Variants in MDH1B observed in about 807,000 individuals in gnomAD.
The protein encoded by MDH1B is malate dehydrogenase 1B, also known as putative malate dehydrogenase 1B.
Under a neutral mutation model 61.4 loss-of-function variants are expected in MDH1B, and 60 were observed. That is an observed-to-expected ratio of 0.98 (90% CI 0.79 to 1.21). The LOEUF (loss-of-function observed/expected upper bound fraction) is 1.21, where lower values mean the gene tolerates loss of function less well. Among genes scored for constraint, MDH1B ranks in the 50% most tolerant of loss-of-function variants. The probability of loss-of-function intolerance (pLI) is 0.00; values close to 1 mark genes in which losing one functional copy is unlikely to be tolerated. For synonymous variants in MDH1B, 236 were observed against 218.7 expected, an observed-to-expected ratio of 1.08 and a Z score of -0.70; for missense variants, 587 against 632.1, an observed-to-expected ratio of 0.93 and a Z score of 0.76.
In MDH1B at chr2:206,746,333, T is replaced by C; in HGVS notation, c.1310A>G (p.Glu437Gly). The C allele has an allele frequency of 6.2e-7, 1 of 1,613,974 alleles. No homozygotes were observed. Among genetic ancestry groups the C allele is most frequent in the South Asian group, 1.1e-5 (1 of 91,050 alleles). Reference sequence around the variant, plus strand: ...TCGGGTCATTATTTGTTCACTTATTTCAACATCTTTGAGATCTGTAAGAAC... The same window carrying C: ...TCGGGTCATTATTTGTTCACTTATTCCAACATCTTTGAGATCTGTAAGAAC... ...WVVLTDLKDVEISEQIMTRMT... is the reference protein window; with the variant it reads ...WVVLTDLKDVGISEQIMTRMT... Residue 437 changes from glutamate (E) to glycine (G), a missense_variant, in exon 8 of 12, where the codon GAA becomes GGA. By Grantham distance (98) the Glu-to-Gly change is moderately conservative. Coordinates refer to ENST00000374412, the MANE Select transcript of MDH1B (RefSeq NM_001039845.3).
At chr2:206,753,531 T>G (rs1688574815) in intron 5 of MDH1B, among the ~76,000 whole-genome samples, 1 of 152,226 alleles carries the variant, frequency 6.6e-6, no homozygotes, top group Non-Finnish European at 1.5e-5. Flanking sequence ...TAGTGATTTA[T>G]GAACTGAACT....
At chr2:206,751,747 A>C (rs1417451503) in intron 5 of MDH1B, among the ~76,000 whole-genome samples, 2 of 152,234 alleles carry the variant, frequency 1.3e-5, no homozygotes, top group African/African-American at 2.4e-5. Flanking sequence ...ACATGCTAAG[A>C]AGTAAAATAA....
At position 206,755,124 on chromosome 2, in the gene MDH1B, T is replaced by G. The variant is rs755773219; in HGVS notation, c.795A>C (p.Thr265=). Residue 265 remains threonine (T), a synonymous_variant, in exon 5 of 12, where the codon ACA becomes ACC. Coordinates refer to ENST00000374412, the MANE Select transcript of MDH1B (RefSeq NM_001039845.3). ...GTGGGGCATATCTCATGAGTAAAAC[T>G]GTCTTCAGGTTTACAAAGGTTCTCC... ...VGGRTFVNLK[T]VLLMRYAPRI... is the part of the protein sequence containing the mutation. The G allele has an allele frequency of 2.5e-6, 4 of 1,614,218 alleles. No individual in the cohort carries two copies.
At chr2:206,763,947 C>A (rs570532353) in intron 1 of MDH1B, among the ~76,000 whole-genome samples, 2 of 152,220 alleles carry the variant, frequency 1.3e-5, no homozygotes, top group African/African-American at 4.8e-5. Flanking sequence ...GTCATACATG[C>A]AACATTCTCT....
chr2:206,760,397 T>C (rs1689021049), intron 2 of MDH1B, among the ~76,000 whole-genome samples: 1 of 152,182 alleles, frequency 6.6e-6, no homozygotes, highest in South Asian at 2.1e-4. Context: ...GAGTTCACTG[T>C]GGGATCCGCT....
At chr2:206,738,671 G>C in intron 11 of MDH1B, among the ~76,000 whole-genome samples, 160 bp from the exon 12 acceptor site, 1 of 152,190 alleles carries the variant, frequency 6.6e-6, no homozygotes, top group East Asian at 1.9e-4. Context: ...AAAGCCATGA[G>C]ATCATAGTTA....
chr2:206,738,392 A>G lies in MDH1B; in HGVS notation c.*91T>C. The G allele has an allele frequency of 9.9e-7, 1 of 1,008,632 alleles. No homozygotes were observed. The highest frequency in any genetic ancestry group is 1.4e-6 in the Non-Finnish European group (1 of 692,972). The allele number at this position is 1,008,632 out of a possible 1,614,324, so 62.5% of individuals were successfully genotyped here. A position where few individuals can be genotyped will look rare whatever the true frequency, so the allele number is the denominator to read the frequency against. On this transcript the variant is annotated 3_prime_UTR_variant, in exon 12 of 12. Transcript: ENST00000374412. ...TCTAAGACTGACATAAATCTTTCAA[A>G]TTATTCTTCCTTAAATATAGACATT...
At chr2:206,747,397 T>C (rs761339406) in intron 7 of MDH1B, among the ~76,000 whole-genome samples, 1 of 152,238 alleles carries the variant, frequency 6.6e-6, no homozygotes, top group Non-Finnish European at 1.5e-5. Flanking sequence ...TTGTTTATTT[T>C]TGAATACAAT....
At chr2:206,746,611 G>C (rs937426539) in intron 7 of MDH1B, among the ~76,000 whole-genome samples, 185 bp from the exon 8 acceptor site, 3 of 152,090 alleles carry the variant, frequency 2.0e-5, no homozygotes, top group Non-Finnish European at 4.4e-5. Context: ...TTGACTGAGC[G>C]ACTATCCAAG....
Position 206,760,962 on chromosome 2 carries a change from A to T in MDH1B, c.74T>A (p.Leu25Ter). The part of the protein sequence containing the change: ...YAKTELVADY[L>*]QKNLPDFRIH... ...CCGAAAATCAGGAAGATTCTTTTGT[A>T]AATAGTCTGCCACAAGTTCTGTTTT... is the stretch of plus-strand genomic sequence containing the variant. Residue 25 changes from leucine (L) to a stop codon, truncating the protein, a stop_gained, in exon 2 of 12, where the codon TTA becomes TAA. Coordinates refer to ENST00000374412, the MANE Select transcript of MDH1B (RefSeq NM_001039845.3). LOFTEE classifies it high-confidence loss of function. 1 of 1,613,026 alleles carries T rather than the reference A, an allele frequency of 6.2e-7. No homozygotes were observed. Among genetic ancestry groups the T allele is most frequent in the Non-Finnish European group, 8.5e-7 (1 of 1,179,198 alleles).
intron 2 of MDH1B, among the ~76,000 whole-genome samples, chr2:206,759,917 G>A (rs1446365846): frequency 1.3e-5 from 2 of 152,208 alleles, no homozygotes; most frequent in Admixed American, 6.5e-5. Context: ...ATAATGGATG[G>A]TAGAGAAGAG....
At chr2:206,757,491 T>C (rs1574645294) in intron 2 of MDH1B, 120 bp from the exon 3 acceptor site, 1 of 753,874 alleles carries the variant, frequency 1.3e-6, no homozygotes, top group Non-Finnish European at 2.0e-6. Flanking sequence ...ATACACATAA[T>C]ATAATTTAGA....
Position 206,761,637 on chromosome 2 carries a change from T to TA in MDH1B, c.23-625dup, listed in dbSNP as rs200365689. ...GTATATGTATATGTACATGTATATGTATATGTATACATATATATGGGGTGC... is the reference window on the plus strand; with the variant it reads ...GTATATGTATATGTACATGTATATGTAATATGTATACATATATATGGGGTGC... On this transcript the variant is annotated intron_variant, in intron 1 of 11. Transcript: ENST00000374412. 6.3e-3 allele frequency among the ~76,000 whole-genome samples: 964 copies of TA among 152,292 alleles called. 20 individuals carry two copies. The highest frequency in any genetic ancestry group is 0.022 in the African/African-American group (926 of 41,532).
intron 5 of MDH1B, among the ~76,000 whole-genome samples, chr2:206,752,749 G>A (rs183024816): frequency 4.6e-5 from 7 of 150,920 alleles, no homozygotes; most frequent in Admixed American, 3.3e-4. Flanking sequence ...GAATGATAGT[G>A]GACATCTGCT....
At chr2:206,753,561 T>C (rs1185290008) in intron 5 of MDH1B, among the ~76,000 whole-genome samples, 2 of 152,178 alleles carry the variant, frequency 1.3e-5, no homozygotes, top group Non-Finnish European at 2.9e-5. Flanking sequence ...TCATGAATCT[T>C]GCTTTTCTGA....
At chr2:206,743,330 G>A (rs1470744464) in intron 9 of MDH1B, among the ~76,000 whole-genome samples, 4 of 152,124 alleles carry the variant, frequency 2.6e-5, no homozygotes, top group African/African-American at 9.7e-5. Flanking sequence ...AACAGTCCTT[G>A]TTCTTGAAAC....
At chr2:206,763,328 T>C (rs1459221169) in intron 1 of MDH1B, among the ~76,000 whole-genome samples, 1 of 151,826 alleles carries the variant, frequency 6.6e-6, no homozygotes, top group Non-Finnish European at 1.5e-5. Context: ...TTCTCCCTTA[T>C]CTGCCCTCCT....
intron 8 of MDH1B, among the ~76,000 whole-genome samples, chr2:206,745,942 C>G (rs1038861040): frequency 6.6e-6 from 1 of 152,048 alleles, no homozygotes; most frequent in African/African-American, 2.4e-5. Context: ...CCATGTTGGT[C>G]AGGCTGGTCG....
In MDH1B at chr2:206,738,378, C is replaced by T; in HGVS notation, c.*105G>A. The stretch of plus-strand genomic sequence containing the variant: ...CTTGCATGGTATTATCTAAGACTGA[C>T]ATAAATCTTTCAAATTATTCTTCCT... On this transcript the variant is annotated 3_prime_UTR_variant, in exon 12 of 12. Transcript: ENST00000374412. 1 of 884,628 alleles carries T rather than the reference C, an allele frequency of 1.1e-6. No individual in the cohort carries two copies. The highest frequency in any genetic ancestry group is 2.1e-5 in the South Asian group (1 of 48,566). The allele number at this position is 884,628 out of a possible 1,614,324, so 54.8% of individuals were successfully genotyped here.
Sources: allele counts gnomAD v4.1 joint callset (sites outside exome capture counted in the v4.1 genomes callset), GRCh38; gene constraint gnomAD v4.1.1; transcripts MANE v1.5; gene names NCBI Gene and HGNC (gene_info 2026-07-23, HGNC 2026-07-21).